The following IFIH1 variants were observed in gnomAD, a reference collection of about 807,000 sequenced individuals.
IFIH1 encodes interferon-induced helicase C domain-containing protein 1.
A neutral mutation model predicts 107.4 loss-of-function variants in IFIH1; 125 were observed. That is an observed-to-expected ratio of 1.16 (90% CI 1.01 to 1.35). The LOEUF (loss-of-function observed/expected upper bound fraction) is 1.35. IFIH1 is among the 40% of genes most tolerant of loss of function. IFIH1 has a pLI of 0.00. For missense variants in IFIH1, 1,333 were observed against 1,213.7 expected (o/e 1.10, Z -1.46); for synonymous variants, 458 against 413.2 (o/e 1.11, Z -1.31).
intron 4 of IFIH1, among the ~76,000 whole-genome samples, chr2:162,289,339 T>C (rs1391163762): frequency 6.6e-6 from 1 of 151,638 alleles, no homozygotes; most frequent in Non-Finnish European, 1.5e-5. Context: ...TTAGATAGAA[T>C]ATATTTTATT....
chr2:162,302,654 G>C (rs1251157151), intron 3 of IFIH1, among the ~76,000 whole-genome samples: 2 of 152,178 alleles, frequency 1.3e-5, no homozygotes, highest in African/African-American at 4.8e-5. Flanking sequence ...TCAATCAAAA[G>C]AACTCAATAA....
intron 13 of IFIH1, among the ~76,000 whole-genome samples, chr2:162,270,013 T>C (rs1691004419): frequency 6.6e-6 from 1 of 152,188 alleles, no homozygotes; most frequent in South Asian, 2.1e-4. Context: ...CATGTGGGAA[T>C]TAAGAAATGT....
At chr2:162,310,490 C>T (rs1683368562) in intron 2 of IFIH1, 1 of 502,378 alleles carries the variant, frequency 2.0e-6, no homozygotes, top group South Asian at 3.5e-5. Context: ...GTTACATAAT[C>T]TTGATAAAAT....
In IFIH1 at chr2:162,288,102, A is replaced by G. The variant is rs116769422; in HGVS notation, c.1095+33T>C. On this transcript the variant is annotated intron_variant, in intron 5 of 15. Transcript: ENST00000649979. The stretch of plus-strand genomic sequence containing the variant: ...AAAGTTTCAGAATAATACAATGAAA[A>G]TGATCAACTAGTGTTATGTGTTCTT... The G allele has an allele frequency of 5.8e-4, 795 of 1,376,438 alleles. 6 individuals carry two copies. The African/African-American group carries it at 0.011, about 18-fold the overall frequency. 85.3% of individuals were successfully genotyped at this position (1,376,438 alleles called of 1,614,324 possible). A position where few individuals can be genotyped will look rare whatever the true frequency, so the allele number is the denominator to read the frequency against.
intron 6 of IFIH1, 83 bp downstream of exon 6, chr2:162,282,283 C>A (rs1682823732): frequency 2.4e-6 from 2 of 844,636 alleles, no homozygotes; most frequent in Non-Finnish European, 3.6e-6. Context: ...AAGCCACGAA[C>A]ATTTAAAAAA....
chr2:162,294,390 GAGA>G (rs1683049297), intron 3 of IFIH1, among the ~76,000 whole-genome samples: 1 of 151,882 alleles, frequency 6.6e-6, no homozygotes, highest in Non-Finnish European at 1.5e-5. Flanking sequence ...CTTTCCCTCA[GAGA>G]AGAATTCTTT....
rs187270692 is a variant in IFIH1 at position 162,273,036 on chromosome 2, C to T, written c.2455-649G>A. ...AGCTTATCACTGACTTACAAATAGA[C>T]TCCTGAAATAAAATTATTTGCTAAT... On this transcript the variant is annotated intron_variant, in intron 12 of 15. Transcript: ENST00000649979. Among the ~76,000 whole-genome samples, 210 of 152,284 alleles carry T rather than the reference C, an allele frequency of 1.4e-3. 1 individual carries two copies. The highest frequency in any genetic ancestry group is 4.7e-3 in the African/African-American group (195 of 41,566).
intron 3 of IFIH1, among the ~76,000 whole-genome samples, chr2:162,302,496 A>G (rs1038824596): frequency 2.0e-5 from 3 of 152,230 alleles, no homozygotes; most frequent in African/African-American, 4.8e-5. Context: ...ACTAAACATT[A>G]TCAATATCAA....
intron 4 of IFIH1, among the ~76,000 whole-genome samples, chr2:162,290,648 G>A (rs1284780094): frequency 2.6e-5 from 4 of 151,816 alleles, no homozygotes; most frequent in South Asian, 2.1e-4. Context: ...ACACTATACC[G>A]CTGTTATGCA....
At chr2:162,303,139 T>A (rs1683219937) in intron 3 of IFIH1, among the ~76,000 whole-genome samples, 3 of 152,060 alleles carry the variant, frequency 2.0e-5, no homozygotes, top group Admixed American at 2.0e-4. Flanking sequence ...GAGACGGAGT[T>A]TTTTTGTTCT....
At chr2:162,314,421 TTTCTTTC>T (rs1225296269) in intron 1 of IFIH1, among the ~76,000 whole-genome samples, 894 of 72,966 alleles carry the variant, frequency 0.012, 13 homozygotes, top group Non-Finnish European at 0.017. Context: ...CTTTCTTTTC[TTTCTTTC>T]TTTCTTTCTT....
rs148623633 is a variant in IFIH1, at chr2:162,267,519, T to C, written c.2858A>G (p.Asp953Gly). Residue 953 changes from aspartate to glycine, a missense_variant, in exon 15 of 16, where the codon GAC becomes GGC. Coordinates refer to ENST00000649979, the MANE Select transcript of IFIH1 (RefSeq NM_022168.4). ...ENKALQKKCA[D>G]YQINGEIICK... ...GATGATTTCACCATTTATTTGATAGTCGGCACACTTCTTTTGCAGTGCTTT... is the reference window on the plus strand; with the variant it reads ...GATGATTTCACCATTTATTTGATAGCCGGCACACTTCTTTTGCAGTGCTTT... The C allele has an allele frequency of 3.5e-5, 57 of 1,613,874 alleles. No individual in the cohort carries two copies. The highest frequency in any genetic ancestry group is 4.7e-5 in the Non-Finnish European group (55 of 1,179,842).
At chr2:162,303,458 A>C (rs1322062925) in intron 3 of IFIH1, among the ~76,000 whole-genome samples, 2 of 152,062 alleles carry the variant, frequency 1.3e-5, no homozygotes, top group African/African-American at 4.8e-5. Context: ...CACAATCTCC[A>C]GATAGAGTCA....
At chr2:162,314,416 T>TTTTCGTTC (rs1683441731) in intron 1 of IFIH1, among the ~76,000 whole-genome samples, 12 of 51,468 alleles carry the variant, frequency 2.3e-4, no homozygotes, top group Non-Finnish European at 2.4e-4. Context: ...TCTTTCTTTC[T>TTTTCGTTC]TTTCTTTCTT....
At position 162,280,097 on chromosome 2, in the gene IFIH1, C is replaced by G; in HGVS notation, c.1540G>C (p.Asp514His). 6.4e-7 allele frequency: 1 copy of G among 1,566,032 alleles called. No homozygotes were observed. The highest frequency in any genetic ancestry group is 8.8e-7 in the Non-Finnish European group (1 of 1,138,208). ...TTAACAGTTTTAATAGTAAATGCAT[C>G]AAGATTGGCACATAGCTGGAAAAGA... Reference protein sequence around the residue: ...EHILKLCANLDAFTIKTVKEN... With the variant: ...EHILKLCANLHAFTIKTVKEN... Residue 514 changes from aspartate to histidine, a missense_variant, in exon 8 of 16, where the codon GAT becomes CAT. Physicochemically the swap from Asp to His is moderately conservative, Grantham distance 81. Coordinates refer to ENST00000649979, the MANE Select transcript of IFIH1 (RefSeq NM_022168.4).
intron 3 of IFIH1, among the ~76,000 whole-genome samples, chr2:162,294,450 C>T (rs933846236): frequency 2.0e-5 from 3 of 151,898 alleles, no homozygotes; most frequent in Non-Finnish European, 4.4e-5. Flanking sequence ...TCCTCAAGCA[C>T]CAGAACTATC....
intron 3 of IFIH1, among the ~76,000 whole-genome samples, chr2:162,296,962 C>T (rs1683093039): frequency 6.6e-6 from 1 of 152,044 alleles, no homozygotes; most frequent in Non-Finnish European, 1.5e-5. Flanking sequence ...TCTTCAGTTT[C>T]TCCACATAAA....
Position 162,300,794 on chromosome 2 carries a change from A to T in IFIH1, c.769+5915T>A, listed in dbSNP as rs372487655. Among the ~76,000 whole-genome samples, 117 of 152,194 alleles carry T rather than the reference A, an allele frequency of 7.7e-4. 2 individuals are homozygous for T. In the South Asian group the frequency reaches 0.013, roughly 18 times the overall value. On this transcript the variant is annotated intron_variant, in intron 3 of 15. Transcript: ENST00000649979. ...ACTACTGTATCAATTATTTTTTTCC[A>T]CTTAGGTTTCAAATGCTATGGTTTT...
chr2:162,288,747 T>G (rs1682940941), intron 4 of IFIH1, among the ~76,000 whole-genome samples: 1 of 151,930 alleles, frequency 6.6e-6, no homozygotes, highest in Admixed American at 6.6e-5. Flanking sequence ...TATGCCCTGC[T>G]TGTTTCACTT....
Sources: allele counts gnomAD v4.1 joint callset (sites outside exome capture counted in the v4.1 genomes callset), GRCh38; gene constraint gnomAD v4.1.1; transcripts MANE v1.5; gene names NCBI Gene and HGNC (gene_info 2026-07-23, HGNC 2026-07-21).